Variants in GFPT1 observed in about 807,000 individuals in gnomAD.
GFPT1 encodes glutamine--fructose-6-phosphate aminotransferase [isomerizing] 1.
In GFPT1, 40 loss-of-function variants were observed where a neutral mutation model predicts 92.0. The ratio of observed to expected loss-of-function variants is 0.43; its 90% CI spans 0.34 to 0.57. The LOEUF is 0.57. Among genes scored for constraint, GFPT1 ranks in the 20% least tolerant of loss-of-function variants. The probability of loss-of-function intolerance (pLI) is 0.02; values close to 1 mark genes in which losing one functional copy is unlikely to be tolerated. For synonymous variants in GFPT1, 269 were observed against 280.6 expected, an observed-to-expected ratio of 0.96 and a Z score of 0.41; for missense variants, 448 against 869.1, an observed-to-expected ratio of 0.52 and a Z score of 6.09.
chr2:69,383,872 C>T (rs1356294890), intron 1 of GFPT1, among the ~76,000 whole-genome samples: 2 of 152,326 alleles, frequency 1.3e-5, no homozygotes, highest in Admixed American at 6.5e-5. Context: ...AGGTGATCCA[C>T]CCACCTCAGC....
chr2:69,338,928 T>C (rs1219092332), intron 13 of GFPT1, among the ~76,000 whole-genome samples: 3 of 151,792 alleles, frequency 2.0e-5, no homozygotes, highest in Non-Finnish European at 2.9e-5. Flanking sequence ...GCCTCCTGAG[T>C]AGCTGGGACT....
At chr2:69,381,680 A>C (rs1283579356) in intron 1 of GFPT1, among the ~76,000 whole-genome samples, 1 of 151,294 alleles carries the variant, frequency 6.6e-6, no homozygotes, top group African/African-American at 2.4e-5. Context: ...CAGTCTTCTA[A>C]GTAGACTGGA....
At position 69,354,295 on chromosome 2, in the gene GFPT1, A is replaced by G. The variant is rs1405904130; in HGVS notation, c.703T>C (p.Ser235Pro). 1 of 1,592,066 alleles carries G rather than the reference A, an allele frequency of 6.3e-7. No individual in the cohort carries two copies. The highest frequency in any genetic ancestry group is 2.2e-5 in the East Asian group (1 of 44,730). ...TGTGATCCCCACCGTGTGAATTTTG[A>G]TCCAATCTGAGTCCTAGCTAAGGAT... is the stretch of plus-strand genomic sequence containing the variant. ...LYRTARTQIG[S>P]KFTRWGSQGE... is the part of the protein sequence containing the mutation. Residue 235 changes from serine (S) to proline (P), a missense_variant, in exon 9 of 20, where the codon TCA becomes CCA. Around this residue, in one of 7 missense-constraint regions of GFPT1, gnomAD observed 118 missense variants for 192.9 expected, o/e 0.61. Coordinates refer to ENST00000357308, the MANE Select transcript of GFPT1 (RefSeq NM_001244710.2).
intron 4 of GFPT1, among the ~76,000 whole-genome samples, chr2:69,359,935 G>C (rs762804926): frequency 6.6e-6 from 1 of 152,076 alleles, no homozygotes; most frequent in Non-Finnish European, 1.5e-5. Context: ...ACATGATCTC[G>C]GGATAATTTT....
rs554884171 is a variant in GFPT1 at position 69,322,750 on chromosome 2, T to C, written c.*3439A>G. The C allele has an allele frequency of 6.6e-6, 1 of 152,362 alleles. No homozygotes were observed. Among genetic ancestry groups the C allele is most frequent in the South Asian group, 2.1e-4 (1 of 4,828 alleles). 9.4% of individuals were successfully genotyped at this position (152,362 alleles called of 1,614,324 possible). ...AATGCTTGTTTTTCATCTTTGCATA[T>C]TAAGGACTGTTGTTAACAGATTTAT... On this transcript the variant is annotated 3_prime_UTR_variant, in exon 20 of 20. Coordinates refer to ENST00000357308, the MANE Select transcript of GFPT1 (RefSeq NM_001244710.2).
Position 69,320,813 on chromosome 2 carries a change from A to G in GFPT1, c.*5376T>C. 1 of 151,612 alleles carries G rather than the reference A, an allele frequency of 6.6e-6. No homozygotes were observed. Among genetic ancestry groups the G allele is most frequent in the Non-Finnish European group, 1.5e-5 (1 of 68,024 alleles). 9.4% of individuals were successfully genotyped at this position (151,612 alleles called of 1,614,324 possible). On this transcript the variant is annotated 3_prime_UTR_variant, in exon 20 of 20. Transcript: ENST00000357308. ...AAAAAAAAAAAAAAGAAGCCTCTGG[A>G]AAAAATGACGCATCTTGGTGGCGCA...
At chr2:69,384,238 T>C (rs1672074163) in intron 1 of GFPT1, among the ~76,000 whole-genome samples, 1 of 152,208 alleles carries the variant, frequency 6.6e-6, no homozygotes, top group Non-Finnish European at 1.5e-5. Flanking sequence ...CGATTTAATA[T>C]GTTGCTTCCC....
chr2:69,322,395 G>C lies in GFPT1; in HGVS notation c.*3794C>G, dbSNP rs527608326. 6.6e-6 allele frequency: 1 copy of C among 151,294 alleles called. No homozygotes were observed. Among genetic ancestry groups the C allele is most frequent in the East Asian group, 1.9e-4 (1 of 5,172 alleles). 9.4% of individuals were successfully genotyped at this position (151,294 alleles called of 1,614,324 possible). A position where few individuals can be genotyped will look rare whatever the true frequency, so the allele number is the denominator to read the frequency against. On this transcript the variant is annotated 3_prime_UTR_variant, in exon 20 of 20. Coordinates refer to ENST00000357308, the MANE Select transcript of GFPT1 (RefSeq NM_001244710.2). Reference sequence around the variant, plus strand: ...ATGGTATATGCTAATTTTTTTAAAAGGGGAAAAAAAAACCCAGAGAACTTA... The same window carrying C: ...ATGGTATATGCTAATTTTTTTAAAACGGGAAAAAAAAACCCAGAGAACTTA...
rs1391412156 is a variant in GFPT1, at chr2:69,329,268, T to A, written c.1725+29A>T. 3 of 1,607,706 alleles carry A rather than the reference T, an allele frequency of 1.9e-6. No individual in the cohort carries two copies. In the East Asian group the frequency reaches 6.7e-5, roughly 36 times the overall value. On this transcript the variant is annotated intron_variant, in intron 17 of 19. Transcript: ENST00000357308. ...GTGTCAGGTCTGCAGGTCAATGGAC[T>A]GATACTAATTAGAACTGAGAAAACT...
chr2:69,376,860 A>C (rs1671883551), intron 1 of GFPT1, among the ~76,000 whole-genome samples: 1 of 152,230 alleles, frequency 6.6e-6, no homozygotes, highest in Admixed American at 6.5e-5. Flanking sequence ...AAAACTATTT[A>C]AATGCTAATG....
intron 1 of GFPT1, among the ~76,000 whole-genome samples, chr2:69,374,969 G>A (rs930119060): frequency 4.6e-5 from 7 of 152,130 alleles, no homozygotes; most frequent in African/African-American, 1.4e-4. Context: ...ATTAGCAAAT[G>A]ACAACCACAT....
At chr2:69,359,207 C>A in intron 5 of GFPT1, 61 bp downstream of exon 5, 1 of 865,754 alleles carries the variant, frequency 1.2e-6, no homozygotes, top group South Asian at 1.3e-5. Flanking sequence ...AACAACCGAC[C>A]CCAGTGCTCT....
At chr2:69,386,709 G>A (rs1007379689) in intron 1 of GFPT1, among the ~76,000 whole-genome samples, 1 of 152,168 alleles carries the variant, frequency 6.6e-6, no homozygotes, top group Non-Finnish European at 1.5e-5. Flanking sequence ...CACTCACCTG[G>A]TGGGCCCTTT....
intron 9 of GFPT1, among the ~76,000 whole-genome samples, chr2:69,352,042 A>C (rs1553390199): frequency 6.7e-6 from 1 of 150,224 alleles, no homozygotes; most frequent in Non-Finnish European, 1.5e-5. Context: ...TGGGCAGATC[A>C]CTTGAGGTCA....
chr2:69,348,246 T>C lies in GFPT1; in HGVS notation c.934A>G (p.Ile312Val). ...VVDGRLSIHRIKRTAGDHPGR... is the reference protein window; with the variant it reads ...VVDGRLSIHRVKRTAGDHPGR... Reference sequence around the variant, plus strand: ...GGGTGATCTCCTGCAGTTCGTTTAATTCGATGGATAGAAAGACGTCCATCC... The same window carrying C: ...GGGTGATCTCCTGCAGTTCGTTTAACTCGATGGATAGAAAGACGTCCATCC... Residue 312 changes from isoleucine (I) to valine (V), a missense_variant, in exon 11 of 20, where the codon ATT (isoleucine) becomes GTT (valine). By Grantham distance (29) the Ile-to-Val change is conservative. Coordinates refer to ENST00000357308, the MANE Select transcript of GFPT1 (RefSeq NM_001244710.2). 1.2e-6 allele frequency: 2 copies of C among 1,613,288 alleles called. No homozygotes were observed. The highest frequency in any genetic ancestry group is 1.7e-6 in the Non-Finnish European group (2 of 1,179,172).
chr2:69,357,855 A>G (rs1671378399), intron 6 of GFPT1, among the ~76,000 whole-genome samples: 1 of 152,186 alleles, frequency 6.6e-6, no homozygotes. Context: ...AAGTCCCCAA[A>G]AGGAAAAATA....
chr2:69,333,429 T>A (rs1321678732), intron 15 of GFPT1, among the ~76,000 whole-genome samples: 1 of 152,350 alleles, frequency 6.6e-6, no homozygotes, highest in Non-Finnish European at 1.5e-5. Context: ...AATTTCTAAT[T>A]TGAATTTCAT....
chr2:69,364,994 CAAAAAAAAAA>C lies in GFPT1; in HGVS notation c.224-1334_224-1325del, dbSNP rs58848043. On this transcript the variant is annotated intron_variant, in intron 3 of 19. Coordinates refer to ENST00000357308, the MANE Select transcript of GFPT1 (RefSeq NM_001244710.2). ...TGGGTGACAGAGCGAGACTCCCTCTCAAAAAAAAAAAAAAAAAAAAAAAAAAGAAGTAGCT... is the reference window on the plus strand; with the variant it reads ...TGGGTGACAGAGCGAGACTCCCTCTCAAAAAAAAAAAAAAAAGAAGTAGCT... 5.2e-3 allele frequency among the ~76,000 whole-genome samples: 230 copies of C among 44,164 alleles called. 4 individuals are homozygous for C. Among genetic ancestry groups the C allele is most frequent in the Middle Eastern group, 0.017 (1 of 58 alleles). The allele number at this position is 44,164 out of a possible 152,430, so 29.0% of individuals were successfully genotyped here.
intron 4 of GFPT1, among the ~76,000 whole-genome samples, chr2:69,360,924 G>A (rs562095178): frequency 1.3e-5 from 2 of 151,924 alleles, no homozygotes; most frequent in South Asian, 2.1e-4. Flanking sequence ...TAATAGAGAC[G>A]GGGTTTTGCC....
Sources: gnomAD v4.1 joint callset for allele counts (sites outside exome capture counted in the v4.1 genomes callset) on GRCh38, gnomAD v4.1.1 for gene constraint, gnomAD v4.1.1 regional missense constraint, MANE v1.5 for transcripts, NCBI Gene and HGNC (gene_info 2026-07-23, HGNC 2026-07-21) for gene names.